DLG2: variants seen among roughly 807,000 people sequenced by gnomAD.
DLG2 encodes discs large MAGUK scaffold protein 2.
Under a neutral mutation model 132.5 loss-of-function variants are expected in DLG2, and 45 were observed. That is an observed-to-expected ratio of 0.34 (90% CI 0.27 to 0.44). The LOEUF (loss-of-function observed/expected upper bound fraction) is 0.44. DLG2 is among the 20% of genes least tolerant of loss of function. The probability of loss-of-function intolerance (pLI) is 1.00; values close to 1 mark genes in which losing one functional copy is unlikely to be tolerated. For missense variants in DLG2, 1,045 were observed against 1,196.9 expected, an observed-to-expected ratio of 0.87 and a Z score of 1.87; for synonymous variants, 424 against 419.6, an observed-to-expected ratio of 1.01 and a Z score of -0.13.
At chr11:84,097,292 G>C (rs1178257984) in intron 10 of DLG2, among the ~76,000 whole-genome samples, 1 of 152,094 alleles carries the variant, frequency 6.6e-6, no homozygotes, top group Non-Finnish European at 1.5e-5. Context: ...TGCTGAGTCA[G>C]TTTATGAAAA....
chr11:83,753,806 T>TG (rs2093466745), intron 18 of DLG2, among the ~76,000 whole-genome samples: 5 of 78,294 alleles, frequency 6.4e-5, no homozygotes, highest in African/African-American at 4.2e-4. Context: ...ATATATCATA[T>TG]ATATCATATA....
intron 15 of DLG2, 56 bp from the exon 16 acceptor site, chr11:83,874,544 T>TTA (rs2064258560): frequency 1.5e-6 from 2 of 1,357,232 alleles, no homozygotes; most frequent in East Asian, 5.2e-5. Context: ...ATTTTTTTAT[T>TTA]TTTTTATTAT....
chr11:84,117,847 C>A (rs1275742614), intron 9 of DLG2, among the ~76,000 whole-genome samples: 2 of 151,598 alleles, frequency 1.3e-5, no homozygotes, highest in African/African-American at 4.9e-5. Flanking sequence ...ATTTTATAGG[C>A]TTTATTTATT....
chr11:83,929,728 AAT>A (rs1036383689), intron 15 of DLG2, among the ~76,000 whole-genome samples: 1 of 151,944 alleles, frequency 6.6e-6, no homozygotes, highest in Non-Finnish European at 1.5e-5. Flanking sequence ...TAAATAAGAG[AAT>A]ATATATATAT....
chr11:84,848,107 C>T (rs762365620), intron 6 of DLG2, among the ~76,000 whole-genome samples: 1 of 152,102 alleles, frequency 6.6e-6, no homozygotes, highest in Admixed American at 6.6e-5. Flanking sequence ...GAACTATTCC[C>T]GGAGAGCACA....
At chr11:84,328,642 C>T (rs1027667631) in intron 7 of DLG2, among the ~76,000 whole-genome samples, 3 of 145,358 alleles carry the variant, frequency 2.1e-5, no homozygotes, top group African/African-American at 2.6e-5. Flanking sequence ...ATTTATCAAA[C>T]GGTTAAAAAA....
At position 84,974,314 on chromosome 11, in the gene DLG2, G is replaced by A. The variant is rs907605025; in HGVS notation, c.357+137347C>T. 4.6e-5 allele frequency among the ~76,000 whole-genome samples: 7 copies of A among 152,160 alleles called. No individual in the cohort carries two copies. The South Asian group carries it at 1.4e-3, about 31-fold the overall frequency. On this transcript the variant is annotated intron_variant, in intron 6 of 27. Transcript: ENST00000376104. ...CCATCAAACTTACTGGCATATGGTG[G>A]TATTAACAGTTAAGAATTGGGAAAC...
chr11:84,109,912 T>A (rs2093238200), intron 9 of DLG2, among the ~76,000 whole-genome samples: 1 of 152,216 alleles, frequency 6.6e-6, no homozygotes, highest in South Asian at 2.1e-4. Context: ...CATCGGTCCC[T>A]ACATTTTATT....
chr11:84,012,431 C>T (rs1411397816), intron 11 of DLG2, among the ~76,000 whole-genome samples: 1 of 152,134 alleles, frequency 6.6e-6, no homozygotes, highest in Admixed American at 6.6e-5. Context: ...TTCCAACATC[C>T]ACTGACCTTG....
intron 18 of DLG2, among the ~76,000 whole-genome samples, chr11:83,671,213 G>A (rs914772364): frequency 6.6e-6 from 1 of 152,136 alleles, no homozygotes; most frequent in Non-Finnish European, 1.5e-5. Flanking sequence ...GAAAATGTGT[G>A]AATTATCTAG....
intron 9 of DLG2, among the ~76,000 whole-genome samples, chr11:84,115,655 A>G (rs1354294088): frequency 6.6e-6 from 1 of 152,180 alleles, no homozygotes; most frequent in Non-Finnish European, 1.5e-5. Flanking sequence ...ATCTACCTCT[A>G]GCATTTTTAC....
At chr11:83,701,778 G>A (rs561727712) in intron 18 of DLG2, among the ~76,000 whole-genome samples, 10 of 152,278 alleles carry the variant, frequency 6.6e-5, no homozygotes, top group Middle Eastern at 6.8e-3. Context: ...ATAACCTGTC[G>A]TGGTAGGGAA....
chr11:85,382,810 T>C (rs151123815), intron 3 of DLG2, among the ~76,000 whole-genome samples: 1,810 of 152,220 alleles, frequency 0.012, 21 homozygotes, highest in Middle Eastern at 0.044. Flanking sequence ...CGTGAGAATA[T>C]TGTGGCTACA....
chr11:83,858,699 G>A (rs1023547613), intron 16 of DLG2, among the ~76,000 whole-genome samples: 1 of 152,150 alleles, frequency 6.6e-6, no homozygotes, highest in African/African-American at 2.4e-5. Flanking sequence ...TGACACACAA[G>A]GCCAGGTAAT....
chr11:84,820,844 T>G (rs1379467421), intron 6 of DLG2, among the ~76,000 whole-genome samples: 1 of 151,882 alleles, frequency 6.6e-6, no homozygotes, highest in Non-Finnish European at 1.5e-5. Context: ...TACATTGTAA[T>G]TACTTGTTCC....
At chr11:83,698,859 A>C (rs554716558) in intron 18 of DLG2, among the ~76,000 whole-genome samples, 2 of 152,324 alleles carry the variant, frequency 1.3e-5, no homozygotes, top group African/African-American at 4.8e-5. Flanking sequence ...CCAAGAGTTC[A>C]GAACCCGCCA....
At chr11:84,357,398 A>G (rs1443105591) in intron 7 of DLG2, among the ~76,000 whole-genome samples, 1 of 152,088 alleles carries the variant, frequency 6.6e-6, no homozygotes, top group East Asian at 1.9e-4. Context: ...GAAAGCCTTC[A>G]GGAACCTCGC....
rs552729334 is a variant in DLG2, at chr11:83,806,465, T to C, written c.1723-19673A>G. On this transcript the variant is annotated intron_variant, in intron 17 of 27. Transcript: ENST00000376104. ...TGCCTGGTTCCTGTCAGTGAGTGAA[T>C]ATATGTGAGTGGAAAAACATTCATG... Among the ~76,000 whole-genome samples the C allele has an allele frequency of 7.9e-5, 12 of 152,316 alleles. No homozygotes were observed. In the East Asian group the frequency reaches 1.5e-3, roughly 20 times the overall value.
At chr11:83,469,477 T>G in intron 24 of DLG2, 104 bp from the exon 25 acceptor site, 1 of 884,320 alleles carries the variant, frequency 1.1e-6, no homozygotes, top group Non-Finnish European at 1.7e-6. Context: ...TGTAGAAATA[T>G]GTAGTATGAA....
Sources: allele counts gnomAD v4.1 joint callset (sites outside exome capture counted in the v4.1 genomes callset), GRCh38; gene constraint gnomAD v4.1.1; transcripts MANE v1.5; gene names NCBI Gene and HGNC (gene_info 2026-07-23, HGNC 2026-07-21).